Variants in RETREG1 observed in about 807,000 individuals in gnomAD.
RETREG1 encodes family with sequence similarity 134 member B.
Under a neutral mutation model 54.8 loss-of-function variants are expected in RETREG1, and 44 were observed. The observed-to-expected ratio is 0.80, with a 90% confidence interval of 0.63 to 1.03. The LOEUF (loss-of-function observed/expected upper bound fraction) is 1.03, where lower values mean the gene tolerates loss of function less well. RETREG1 is among the 50% of genes least tolerant of loss of function. The pLI, the probability that RETREG1 is intolerant of heterozygous loss-of-function variation, is 0.00. For synonymous variants in RETREG1, 217 were observed against 238.5 expected (o/e 0.91, Z 0.83); for missense variants, 554 against 605.1 (o/e 0.92, Z 0.89).
intron 1 of RETREG1, among the ~76,000 whole-genome samples, chr5:16,600,861 TCAAAA>T (rs773073426): frequency 2.6e-4 from 39 of 151,350 alleles, no homozygotes; most frequent in South Asian, 8.4e-4. Context: ...AATCTAAGAA[TCAAAA>T]CAAACGCATC....
intron 1 of RETREG1, among the ~76,000 whole-genome samples, chr5:16,573,572 TCAGA>T (rs1309453664): frequency 6.6e-6 from 1 of 152,124 alleles, no homozygotes; most frequent in African/African-American, 2.4e-5. Flanking sequence ...TGCTTTCTCA[TCAGA>T]CAAACACAGG....
intron 3 of RETREG1, among the ~76,000 whole-genome samples, chr5:16,513,009 C>A (rs955229439): frequency 1.3e-5 from 2 of 151,998 alleles, no homozygotes; most frequent in African/African-American, 4.8e-5. Flanking sequence ...TGAGTTCTCT[C>A]TTGGATTCTG....
intron 3 of RETREG1, among the ~76,000 whole-genome samples, chr5:16,498,152 T>A (rs528734418): frequency 6.6e-6 from 1 of 152,370 alleles, no homozygotes; most frequent in South Asian, 2.1e-4. Context: ...ACTACAGTCA[T>A]GCATCATTTA....
At chr5:16,577,548 G>T (rs991488184) in intron 1 of RETREG1, among the ~76,000 whole-genome samples, 1 of 152,032 alleles carries the variant, frequency 6.6e-6, no homozygotes, top group Non-Finnish European at 1.5e-5. Flanking sequence ...GGTGGAGCTC[G>T]TCGGAAAGGC....
At chr5:16,533,935 C>G (rs1740984799) in intron 3 of RETREG1, among the ~76,000 whole-genome samples, 1 of 152,148 alleles carries the variant, frequency 6.6e-6, no homozygotes, top group Non-Finnish European at 1.5e-5. Flanking sequence ...TCGCCAGCTT[C>G]TAATGCAAAG....
intron 1 of RETREG1, among the ~76,000 whole-genome samples, chr5:16,595,336 C>G (rs75456702): frequency 0.018 from 2,725 of 152,162 alleles, 92 homozygotes; most frequent in African/African-American, 0.062. Context: ...TTAATAGCTA[C>G]AGAAGAGCTT....
At chr5:16,540,367 G>T (rs1741206914) in intron 3 of RETREG1, among the ~76,000 whole-genome samples, 1 of 152,184 alleles carries the variant, frequency 6.6e-6, no homozygotes, top group African/African-American at 2.4e-5. Context: ...AGCAATGAGT[G>T]GGCTAATGTC....
At chr5:16,500,182 G>T (rs1739643737) in intron 3 of RETREG1, among the ~76,000 whole-genome samples, 1 of 152,168 alleles carries the variant, frequency 6.6e-6, no homozygotes, top group Non-Finnish European at 1.5e-5. Context: ...AGAGCCTATG[G>T]GCTTCTCCCA....
At chr5:16,502,699 T>C (rs982842869) in intron 3 of RETREG1, among the ~76,000 whole-genome samples, 1 of 152,240 alleles carries the variant, frequency 6.6e-6, no homozygotes, top group African/African-American at 2.4e-5. Flanking sequence ...TCCCCCATAC[T>C]ATTTTTATCT....
intron 1 of RETREG1, among the ~76,000 whole-genome samples, chr5:16,584,930 A>G (rs1217973644): frequency 6.6e-6 from 1 of 152,194 alleles, no homozygotes; most frequent in African/African-American, 2.4e-5. Context: ...ATAAAGCAAT[A>G]ACAATTTAAT....
intron 3 of RETREG1, among the ~76,000 whole-genome samples, chr5:16,504,788 G>A (rs1307125883): frequency 6.6e-6 from 1 of 152,082 alleles, no homozygotes; most frequent in East Asian, 1.9e-4. Context: ...GGCCACATAC[G>A]ACCTTTTCAA....
At chr5:16,510,045 G>A (rs1246918503) in intron 3 of RETREG1, among the ~76,000 whole-genome samples, 1 of 151,902 alleles carries the variant, frequency 6.6e-6, no homozygotes, top group African/African-American at 2.4e-5. Context: ...ATAAAAATCT[G>A]TGTATTCTGT....
At chr5:16,502,927 A>T (rs763766600) in intron 3 of RETREG1, among the ~76,000 whole-genome samples, 1 of 152,244 alleles carries the variant, frequency 6.6e-6, no homozygotes, top group Non-Finnish European at 1.5e-5. Flanking sequence ...GAGGCTGGGA[A>T]TAAGGGTAAG....
At chr5:16,613,887 AC>A (rs1343568763) in intron 1 of RETREG1, among the ~76,000 whole-genome samples, 1 of 151,964 alleles carries the variant, frequency 6.6e-6, no homozygotes, top group African/African-American at 2.4e-5. Flanking sequence ...AATCATTTTA[AC>A]CCCCAGAGCA....
intron 3 of RETREG1, among the ~76,000 whole-genome samples, chr5:16,560,998 C>T (rs746212969): frequency 2.0e-5 from 3 of 152,112 alleles, no homozygotes; most frequent in African/African-American, 4.8e-5. Flanking sequence ...ATAAATCCCT[C>T]ACATTGCACC....
chr5:16,484,836 G>A (rs946373723), intron 3 of RETREG1, among the ~76,000 whole-genome samples: 2 of 152,082 alleles, frequency 1.3e-5, no homozygotes, highest in Non-Finnish European at 2.9e-5. Context: ...TGTCCAGGCT[G>A]ATGTTATTCC....
intron 3 of RETREG1, among the ~76,000 whole-genome samples, chr5:16,490,894 A>C (rs1739217532): frequency 6.6e-6 from 1 of 152,214 alleles, no homozygotes; most frequent in Non-Finnish European, 1.5e-5. Context: ...AAATCAAAAT[A>C]GTTAAAAAGC....
Position 16,566,588 on chromosome 5 carries a change from C to T in RETREG1, c.428-795G>A, listed in dbSNP as rs377621314. Among the ~76,000 whole-genome samples the T allele has an allele frequency of 1.1e-3, 172 of 152,342 alleles. 1 individual carries two copies. Among genetic ancestry groups the T allele is most frequent in the African/African-American group, 3.8e-3 (159 of 41,578 alleles). On this transcript the variant is annotated intron_variant, in intron 2 of 8. Transcript: ENST00000306320. ...CCTTATGTTTTTCAATATCCCCTAT[C>T]GAGAGCTATGGGATAAATCCTTCTT...
At chr5:16,501,319 CCAG>C (rs1739700892) in intron 3 of RETREG1, among the ~76,000 whole-genome samples, 1 of 152,126 alleles carries the variant, frequency 6.6e-6, no homozygotes, top group Non-Finnish European at 1.5e-5. Flanking sequence ...GGATTTGCAG[CCAG>C]GAGTAAAACC....
Sources: gnomAD v4.1 joint callset for allele counts (sites outside exome capture counted in the v4.1 genomes callset) on GRCh38, gnomAD v4.1.1 for gene constraint, MANE v1.5 for transcripts, NCBI Gene and HGNC (gene_info 2026-07-23, HGNC 2026-07-21) for gene names.